Variants in GRIK1 observed in about 807,000 individuals in gnomAD.
The protein encoded by GRIK1 is glutamate receptor ionotropic, kainate 1.
In GRIK1, 69 loss-of-function variants were observed where a neutral mutation model predicts 105.7. That is an observed-to-expected ratio of 0.65 (90% CI 0.54 to 0.80). GRIK1 has a LOEUF of 0.80. GRIK1 is among the 30% of genes least tolerant of loss of function. The pLI is 0.00. For missense variants in GRIK1, 1,109 were observed against 1,167.3 expected (o/e 0.95, Z 0.73); for synonymous variants, 438 against 431.3 (o/e 1.02, Z -0.19).
chr21:29,637,780 C>T (rs751181599), intron 7 of GRIK1, among the ~76,000 whole-genome samples: 1 of 152,184 alleles, frequency 6.6e-6, no homozygotes, highest in East Asian at 1.9e-4. Flanking sequence ...GCAGCCCAAA[C>T]GAACCAAGAA....
chr21:29,563,643 A>G (rs764879719), intron 14 of GRIK1, among the ~76,000 whole-genome samples: 23 of 152,362 alleles, frequency 1.5e-4, no homozygotes, highest in Non-Finnish European at 3.1e-4. Context: ...AGAGCTACTC[A>G]TACAAGCGCA....
At chr21:29,673,247 A>G in intron 3 of GRIK1, 83 bp from the exon 4 acceptor site, 1 of 870,150 alleles carries the variant, frequency 1.1e-6, no homozygotes, top group Non-Finnish European at 1.8e-6. Flanking sequence ...AACTCGTTTC[A>G]ACTCCAAAAC....
Position 29,783,883 on chromosome 21 carries a change from A to G in GRIK1, c.119-89820T>C, listed in dbSNP as rs532051527. Reference sequence around the variant, plus strand: ...ACAGAAAAACGTTTCTTTTACTATTACCATATCAATCAGCCCTATGAACAA... The same window carrying G: ...ACAGAAAAACGTTTCTTTTACTATTGCCATATCAATCAGCCCTATGAACAA... On this transcript the variant is annotated intron_variant, in intron 1 of 17. Transcript: ENST00000327783. Among the ~76,000 whole-genome samples the G allele has an allele frequency of 2.0e-4, 31 of 152,308 alleles. 1 individual carries two copies. Among genetic ancestry groups the G allele is most frequent in the African/African-American group, 7.5e-4 (31 of 41,572 alleles).
At chr21:29,876,896 C>T (rs1455172869) in intron 1 of GRIK1, among the ~76,000 whole-genome samples, 2 of 152,142 alleles carry the variant, frequency 1.3e-5, no homozygotes, top group African/African-American at 2.4e-5. Flanking sequence ...ATATACTCTA[C>T]CTGATAAATT....
chr21:29,798,415 A>G (rs940013064), intron 1 of GRIK1, among the ~76,000 whole-genome samples: 2 of 152,236 alleles, frequency 1.3e-5, no homozygotes, highest in African/African-American at 4.8e-5. Flanking sequence ...AGTTTAGCAT[A>G]ACTTTAAACA....
intron 1 of GRIK1, among the ~76,000 whole-genome samples, chr21:29,719,443 G>C (rs890041435): frequency 1.3e-5 from 2 of 152,046 alleles, no homozygotes; most frequent in Non-Finnish European, 2.9e-5. Context: ...AGCAGAGCTT[G>C]TTCCTTTATC....
intron 1 of GRIK1, among the ~76,000 whole-genome samples, chr21:29,856,663 A>G (rs2068473923): frequency 6.6e-6 from 1 of 152,212 alleles, no homozygotes; most frequent in Admixed American, 6.5e-5. Context: ...TGGGGCTTAC[A>G]TTGCAGTGAA....
intron 1 of GRIK1, among the ~76,000 whole-genome samples, chr21:29,881,743 C>T (rs2069416815): frequency 6.6e-6 from 1 of 152,092 alleles, no homozygotes; most frequent in African/African-American, 2.4e-5. Context: ...AGAGTGGGAA[C>T]TCAGTACTCT....
At chr21:29,674,334 C>T (rs1320032919) in intron 3 of GRIK1, among the ~76,000 whole-genome samples, 1 of 150,258 alleles carries the variant, frequency 6.7e-6, no homozygotes, top group Non-Finnish European at 1.5e-5. Context: ...GGAAAGGTTT[C>T]TCTACCACCA....
intron 7 of GRIK1, among the ~76,000 whole-genome samples, chr21:29,601,497 C>G (rs146948776): frequency 6.6e-6 from 1 of 152,150 alleles, no homozygotes; most frequent in African/African-American, 2.4e-5. Context: ...GCCTAAGCTA[C>G]GTCTCCAGAA....
At chr21:29,588,196 G>A (rs527819785) in intron 11 of GRIK1, among the ~76,000 whole-genome samples, 6 of 151,756 alleles carry the variant, frequency 4.0e-5, no homozygotes, top group East Asian at 1.9e-4. Context: ...GGATGGTCTC[G>A]ATCTCCTGAC....
At chr21:29,563,393 T>G (rs1316503777) in intron 14 of GRIK1, among the ~76,000 whole-genome samples, 1 of 152,126 alleles carries the variant, frequency 6.6e-6, no homozygotes, top group Non-Finnish European at 1.5e-5. Flanking sequence ...AAAATCCCCC[T>G]GAGAAAGGTC....
chr21:29,591,016 C>T (rs1424975012), intron 10 of GRIK1, 96 bp downstream of exon 10: 1 of 776,236 alleles, frequency 1.3e-6, no homozygotes, highest in African/African-American at 1.7e-5. Flanking sequence ...CATTTGCAGA[C>T]AGAAGCGTTG....
At chr21:29,577,526 AGT>A (rs2090924171) in intron 13 of GRIK1, among the ~76,000 whole-genome samples, 2 of 152,328 alleles carry the variant, frequency 1.3e-5, no homozygotes, top group African/African-American at 4.8e-5. Flanking sequence ...TGCATCTTAT[AGT>A]GTGAAGTAAA....
intron 1 of GRIK1, among the ~76,000 whole-genome samples, chr21:29,726,756 T>C (rs1350340754): frequency 6.6e-6 from 1 of 151,770 alleles, no homozygotes; most frequent in Non-Finnish European, 1.5e-5. Flanking sequence ...TTTAAATTAT[T>C]GTTTACAATT....
intron 1 of GRIK1, among the ~76,000 whole-genome samples, chr21:29,858,103 T>G (rs1157819871): frequency 6.6e-6 from 1 of 152,194 alleles, no homozygotes; most frequent in Non-Finnish European, 1.5e-5. Flanking sequence ...TTTCACTATG[T>G]TGGCCAGCTG....
At chr21:29,560,574 T>TCTCTC (rs2090450222) in intron 15 of GRIK1, among the ~76,000 whole-genome samples, 1 of 124,108 alleles carries the variant, frequency 8.1e-6, no homozygotes, top group African/African-American at 4.0e-5. Context: ...CTTTCTTTCT[T>TCTCTC]TCTCTCTTTC....
intron 1 of GRIK1, among the ~76,000 whole-genome samples, chr21:29,700,195 G>C (rs2063785602): frequency 6.6e-6 from 1 of 152,156 alleles, no homozygotes; most frequent in Admixed American, 6.6e-5. Context: ...GTAGGCAGTT[G>C]TGTTTTGTGA....
intron 1 of GRIK1, among the ~76,000 whole-genome samples, chr21:29,921,741 C>T (rs1319773812): frequency 6.6e-6 from 1 of 152,108 alleles, no homozygotes; most frequent in African/African-American, 2.4e-5. Flanking sequence ...CACATAAGCT[C>T]ACTTTAATAT....
Sources: gnomAD v4.1 joint callset for allele counts (sites outside exome capture counted in the v4.1 genomes callset) on GRCh38, gnomAD v4.1.1 for gene constraint, MANE v1.5 for transcripts, NCBI Gene and HGNC (gene_info 2026-07-23, HGNC 2026-07-21) for gene names.